The following RANBP17 variants were observed in gnomAD, a reference collection of about 807,000 sequenced individuals.
RANBP17 encodes ran-binding protein 17.
A neutral mutation model predicts 141.2 loss-of-function variants in RANBP17; 158 were observed. That is an observed-to-expected ratio of 1.12 (90% CI 0.98 to 1.28). The LOEUF (loss-of-function observed/expected upper bound fraction) is 1.28. Among genes scored for constraint, RANBP17 ranks in the 50% most tolerant of loss-of-function variants. RANBP17 has a pLI of 0.00. For missense variants in RANBP17, 1,438 were observed against 1,290.7 expected, an observed-to-expected ratio of 1.11 and a Z score of -1.75; for synonymous variants, 430 against 450.0, an observed-to-expected ratio of 0.96 and a Z score of 0.56.
chr5:171,053,925 A>ATATAT (rs1491125081), intron 14 of RANBP17, among the ~76,000 whole-genome samples: 38 of 32,368 alleles, frequency 1.2e-3, no homozygotes, highest in Non-Finnish European at 1.5e-3. Context: ...ATATATATAT[A>ATATAT]ATTGCTGTAT....
rs552994084 is a variant in RANBP17, at chr5:170,955,255, G to T, written c.1574+1553G>T. ...AGTGGTTGAACTGCCAGATAGTAGG[G>T]TTCATATTGTTGCCAGTTTATAGGT... is the stretch of plus-strand genomic sequence containing the variant. On this transcript the variant is annotated intron_variant, in intron 13 of 27. Transcript: ENST00000523189. 1.6e-3 allele frequency among the ~76,000 whole-genome samples: 244 copies of T among 151,916 alleles called. 4 individuals are homozygous for T. The South Asian group carries it at 0.026, about 16-fold the overall frequency.
chr5:171,195,502 T>G (rs1412539646), intron 18 of RANBP17, among the ~76,000 whole-genome samples: 1 of 152,258 alleles, frequency 6.6e-6, no homozygotes, highest in African/African-American at 2.4e-5. Flanking sequence ...TAAACATTTC[T>G]ATAGTATAAT....
intron 11 of RANBP17, among the ~76,000 whole-genome samples, chr5:170,923,959 C>T (rs1310189072): frequency 1.3e-5 from 2 of 150,818 alleles, no homozygotes; most frequent in African/African-American, 4.9e-5. Context: ...TATTTTTTAC[C>T]TTCTAATACA....
At chr5:171,083,314 A>G (rs1225309016) in intron 14 of RANBP17, among the ~76,000 whole-genome samples, 1 of 152,162 alleles carries the variant, frequency 6.6e-6, no homozygotes, top group Non-Finnish European at 1.5e-5. Flanking sequence ...AAAGATGCCA[A>G]AAAGCTAGCC....
intron 14 of RANBP17, among the ~76,000 whole-genome samples, chr5:171,130,948 T>G (rs1390099896): frequency 6.6e-6 from 1 of 152,200 alleles, no homozygotes; most frequent in Non-Finnish European, 1.5e-5. Flanking sequence ...TTATGATTAT[T>G]TAAAGAAATT....
At chr5:171,150,785 C>A (rs1041707208) in intron 14 of RANBP17, among the ~76,000 whole-genome samples, 1 of 152,148 alleles carries the variant, frequency 6.6e-6, no homozygotes, top group Non-Finnish European at 1.5e-5. Context: ...AAAGTTTCTG[C>A]ATAAGGAGTC....
intron 4 of RANBP17, 142 bp downstream of exon 4, chr5:170,892,695 T>C: frequency 3.2e-6 from 2 of 634,394 alleles, no homozygotes; most frequent in South Asian, 4.9e-5. Flanking sequence ...CTCTGGATCC[T>C]TTATCATTTA....
intron 19 of RANBP17, among the ~76,000 whole-genome samples, chr5:171,203,485 A>T (rs991863874): frequency 7.9e-5 from 12 of 152,320 alleles, no homozygotes; most frequent in African/African-American, 2.6e-4. Flanking sequence ...TCACATTAAC[A>T]CTGAATTTTT....
At chr5:171,194,826 T>C (rs1205643218) in intron 18 of RANBP17, among the ~76,000 whole-genome samples, 3 of 152,250 alleles carry the variant, frequency 2.0e-5, no homozygotes, top group Non-Finnish European at 4.4e-5. Flanking sequence ...TGTAGCATTT[T>C]ACATTTCCAC....
intron 14 of RANBP17, among the ~76,000 whole-genome samples, chr5:171,108,948 T>G (rs756709785): frequency 1.3e-5 from 2 of 152,288 alleles, no homozygotes; most frequent in East Asian, 3.9e-4. Flanking sequence ...GACAGAATTT[T>G]CTCTGCCACT....
chr5:170,874,051 T>C lies in RANBP17; in HGVS notation c.19-4046T>C, dbSNP rs148332525. Among the ~76,000 whole-genome samples, 616 of 152,334 alleles carry C rather than the reference T, an allele frequency of 4.0e-3. 5 individuals carry two copies. Among genetic ancestry groups the C allele is most frequent in the African/African-American group, 0.014 (594 of 41,574 alleles). On this transcript the variant is annotated intron_variant, in intron 1 of 27. Coordinates refer to ENST00000523189, the MANE Select transcript of RANBP17 (RefSeq NM_022897.5). ...AGATTCTGGTATGTTGGCTCTTTGTTCTCATTGGTTTCATAGAATTTCTTG... is the reference window on the plus strand; with the variant it reads ...AGATTCTGGTATGTTGGCTCTTTGTCCTCATTGGTTTCATAGAATTTCTTG...
chr5:171,187,210 CAATT>C (rs1761314926), intron 18 of RANBP17, among the ~76,000 whole-genome samples: 1 of 152,232 alleles, frequency 6.6e-6, no homozygotes, highest in East Asian at 1.9e-4. Flanking sequence ...TAATATTTAT[CAATT>C]AAGTTGGCTA....
Position 170,982,029 on chromosome 5 carries a change from AG to A in RANBP17, c.1710+13654del, listed in dbSNP as rs371331055. Among the ~76,000 whole-genome samples the A allele has an allele frequency of 1.3e-3, 199 of 152,334 alleles. 1 individual carries two copies. The highest frequency in any genetic ancestry group is 4.7e-3 in the African/African-American group (194 of 41,570). On this transcript the variant is annotated intron_variant, in intron 14 of 27. Coordinates refer to ENST00000523189, the MANE Select transcript of RANBP17 (RefSeq NM_022897.5). ...TCTCTCCGAAATTCTTGCAAGAGAT[AG>A]GAAGTTTTTTATGGAAGTTTGAACA...
intron 12 of RANBP17, among the ~76,000 whole-genome samples, chr5:170,942,665 G>C (rs1362669522): frequency 1.3e-5 from 2 of 152,166 alleles, no homozygotes; most frequent in Non-Finnish European, 2.9e-5. Context: ...CTCGGGAATG[G>C]TATGGAGGTA....
intron 14 of RANBP17, among the ~76,000 whole-genome samples, chr5:171,034,561 T>C (rs952933425): frequency 1.1e-4 from 17 of 152,204 alleles, no homozygotes; most frequent in Non-Finnish European, 2.2e-4. Context: ...ATCAACCAAC[T>C]TCTTTCCATG....
chr5:171,047,095 G>T (rs1381265756), intron 14 of RANBP17, among the ~76,000 whole-genome samples: 4 of 131,010 alleles, frequency 3.1e-5, no homozygotes, highest in African/African-American at 1.2e-4. Flanking sequence ...TCAACTCACT[G>T]CATCCTCTGC....
intron 7 of RANBP17, among the ~76,000 whole-genome samples, chr5:170,912,677 A>C: frequency 6.8e-6 from 1 of 146,672 alleles, no homozygotes; most frequent in East Asian, 2.0e-4. Flanking sequence ...GTAGAACAAA[A>C]AAGCAAGGAG....
At chr5:171,057,112 C>A (rs1322961555) in intron 14 of RANBP17, among the ~76,000 whole-genome samples, 1 of 152,130 alleles carries the variant, frequency 6.6e-6, no homozygotes. Flanking sequence ...TAGCCTTTTA[C>A]AGCTTTTGTG....
chr5:171,104,694 T>C (rs528279446), intron 14 of RANBP17, among the ~76,000 whole-genome samples: 1 of 152,294 alleles, frequency 6.6e-6, no homozygotes, highest in East Asian at 1.9e-4. Flanking sequence ...CAAATTTCTT[T>C]TGTCTAAAGA....
Sources: gnomAD v4.1 joint callset for allele counts (sites outside exome capture counted in the v4.1 genomes callset) on GRCh38, gnomAD v4.1.1 for gene constraint, MANE v1.5 for transcripts, NCBI Gene and HGNC (gene_info 2026-07-23, HGNC 2026-07-21) for gene names.